DUSP29: variants seen among roughly 807,000 people sequenced by gnomAD.
DUSP29 encodes the protein atypical dual-specific protein phosphatase.
DUSP29 carries 12 observed loss-of-function variants against 13.5 expected under a neutral mutation model. That is an observed-to-expected ratio of 0.89 (90% confidence interval 0.57 to 1.44). DUSP29 has a LOEUF of 1.44. DUSP29 is among the 40% of genes most tolerant of loss of function. DUSP29 has a pLI of 0.00. For synonymous variants in DUSP29, 134 were observed against 128.7 expected, an observed-to-expected ratio of 1.04 and a Z score of -0.28; for missense variants, 308 against 301.1, an observed-to-expected ratio of 1.02 and a Z score of -0.17.
chr10:75,038,750 A>G (rs1246580127), intron 3 of DUSP29, among the ~76,000 whole-genome samples: 1 of 151,854 alleles, frequency 6.6e-6, no homozygotes, highest in African/African-American at 2.4e-5. Context: ...AGGGAGCAGG[A>G]GAGAAAGGGG....
At chr10:75,073,330 A>G (rs60169062) in intron 1 of DUSP29, among the ~76,000 whole-genome samples, 12,307 of 152,246 alleles carry the variant, frequency 0.081, 1,134 homozygotes, top group African/African-American at 0.23. Context: ...CCACCCCATT[A>G]TCCTTTAGAA....
At chr10:75,038,099 G>C (rs1048007141) in intron 3 of DUSP29, 22 bp from the exon 4 acceptor site, 3 of 1,603,736 alleles carry the variant, frequency 1.9e-6, no homozygotes, top group Non-Finnish European at 2.6e-6. Flanking sequence ...GCAGGGAGGA[G>C]AAAACCCACA....
chr10:75,043,960 G>T lies in DUSP29; in HGVS notation c.258C>A (p.Asn86Lys), dbSNP rs769826721. 6.2e-6 allele frequency: 10 copies of T among 1,613,370 alleles called. No homozygotes were observed. The highest frequency in any genetic ancestry group is 2.2e-5 in the East Asian group (1 of 44,876). Reference protein sequence around the residue: ...LQKAGFTHVLNAAHGRWNVDT... With the variant: ...LQKAGFTHVLKAAHGRWNVDT... ...CCACGTTCCAGCGGCCGTGGGCCGC[G>T]TTCAGCACGTGCGTGAACCCCGCCT... Residue 86 changes from asparagine to lysine, a missense_variant, in exon 3 of 4, where the codon AAC becomes AAA. Physicochemically the swap from Asn to Lys is moderately conservative, Grantham distance 94 (BLOSUM62 0). Transcript: ENST00000338487.
intron 1 of DUSP29, among the ~76,000 whole-genome samples, chr10:75,072,734 T>C (rs921325): frequency 0.53 from 80,346 of 151,812 alleles, 23,803 homozygotes; most frequent in East Asian, 0.95. Context: ...CTTCCTCCTG[T>C]TCGCTGGAGC....
At chr10:75,053,099 G>A (rs1012008336) in intron 2 of DUSP29, among the ~76,000 whole-genome samples, 9 of 152,238 alleles carry the variant, frequency 5.9e-5, no homozygotes, top group Non-Finnish European at 1.2e-4. Flanking sequence ...ACCATGGACT[G>A]CATTGTGAGT....
At chr10:75,041,018 T>A (rs1032971887) in intron 3 of DUSP29, among the ~76,000 whole-genome samples, 8 of 152,140 alleles carry the variant, frequency 5.3e-5, no homozygotes, top group Non-Finnish European at 1.2e-4. Flanking sequence ...AACCAGTCAA[T>A]GAGAACAAAG....
At chr10:75,051,526 A>G (rs888013454) in intron 2 of DUSP29, among the ~76,000 whole-genome samples, 5 of 152,186 alleles carry the variant, frequency 3.3e-5, no homozygotes, top group African/African-American at 1.2e-4. Flanking sequence ...AGTGAGCTTC[A>G]TCTTAGAGGT....
At chr10:75,073,322 A>G (rs898315593) in intron 1 of DUSP29, among the ~76,000 whole-genome samples, 3 of 152,076 alleles carry the variant, frequency 2.0e-5, no homozygotes, top group Admixed American at 1.3e-4. Flanking sequence ...GCTTTAATCC[A>G]CCCCATTATC....
chr10:75,069,471 C>T (rs1847274618), intron 1 of DUSP29, among the ~76,000 whole-genome samples: 1 of 152,200 alleles, frequency 6.6e-6, no homozygotes, highest in Non-Finnish European at 1.5e-5. Context: ...CAGAACAAGC[C>T]TTCCTTGTTC....
intron 2 of DUSP29, among the ~76,000 whole-genome samples, chr10:75,051,218 G>A (rs1846821660): frequency 6.6e-6 from 1 of 152,156 alleles, no homozygotes; most frequent in African/African-American, 2.4e-5. Flanking sequence ...CCTAGCATGG[G>A]GGACCCTGGG....
chr10:75,066,340 T>C (rs1034545403), intron 1 of DUSP29, among the ~76,000 whole-genome samples: 8 of 151,414 alleles, frequency 5.3e-5, no homozygotes, highest in Admixed American at 2.6e-4. Flanking sequence ...ACCCTAACCC[T>C]TCAACAGAAT....
chr10:75,064,093 C>G (rs1364337290), intron 1 of DUSP29, among the ~76,000 whole-genome samples: 7 of 152,030 alleles, frequency 4.6e-5, no homozygotes, highest in East Asian at 1.9e-4. Flanking sequence ...GTCACCCAGG[C>G]TGGAGTGCAG....
chr10:75,039,362 A>G (rs1846537448), intron 3 of DUSP29, among the ~76,000 whole-genome samples: 1 of 152,108 alleles, frequency 6.6e-6, no homozygotes, highest in Non-Finnish European at 1.5e-5. Context: ...CCATCTCTAC[A>G]CAAAAATTAG....
chr10:75,037,982 C>T lies in DUSP29; in HGVS notation c.517G>A (p.Ala173Thr), dbSNP rs750658270. 6.8e-6 allele frequency: 11 copies of T among 1,613,938 alleles called. No individual in the cohort carries two copies. Among genetic ancestry groups the T allele is most frequent in the South Asian group, 5.5e-5 (5 of 91,088 alleles). The change falls in exon 4 of 4, where the codon GCC (alanine) becomes ACC (threonine). Residue 173 changes from alanine (A) to threonine (T), a missense_variant. Ala to Thr is a moderately conservative substitution (Grantham distance 58). Transcript: ENST00000338487. The stretch of plus-strand genomic sequence containing the variant: ...CGGTTCTTGGCCACTTGCTGGATGG[C>T]GTCCACCAGGGTCATGTCCTTGTGG... ...MIHKDMTLVDAIQQVAKNRCV... is the reference protein window; with the variant it reads ...MIHKDMTLVDTIQQVAKNRCV...
chr10:75,070,091 A>T (rs1477522482), intron 1 of DUSP29, among the ~76,000 whole-genome samples: 63 of 64,710 alleles, frequency 9.7e-4, no homozygotes, highest in African/African-American at 4.5e-3. Flanking sequence ...GGAAGGAAGG[A>T]AGGAAGGAAG....
chr10:75,058,866 C>G (rs1186322545), intron 1 of DUSP29, among the ~76,000 whole-genome samples: 1 of 152,208 alleles, frequency 6.6e-6, no homozygotes, highest in Non-Finnish European at 1.5e-5. Context: ...AGACTTTACT[C>G]CTTTGGTTCC....
chr10:75,046,960 T>A (rs1442923778), intron 2 of DUSP29, among the ~76,000 whole-genome samples: 1 of 152,218 alleles, frequency 6.6e-6, no homozygotes, highest in Non-Finnish European at 1.5e-5. Flanking sequence ...GTAACTGGCT[T>A]TCAACATAAT....
At chr10:75,048,424 G>A (rs915334385) in intron 2 of DUSP29, among the ~76,000 whole-genome samples, 1 of 144,174 alleles carries the variant, frequency 6.9e-6, no homozygotes, top group African/African-American at 2.6e-5. Context: ...ACAGAGTCTC[G>A]CTCTGTCGCC....
In DUSP29 at chr10:75,037,771, G is replaced by T; in HGVS notation, c.*65C>A. ...CACCATCCCTTCTCTGGAGTCCTAG[G>T]CCAGGGCTATGTTCTGCCTCTCCCC... On this transcript the variant is annotated 3_prime_UTR_variant, in exon 4 of 4. Coordinates refer to ENST00000338487, the MANE Select transcript of DUSP29 (RefSeq NM_001003892.3). 1 of 1,539,414 alleles carries T rather than the reference G, an allele frequency of 6.5e-7. No homozygotes were observed. The highest frequency in any genetic ancestry group is 1.4e-5 in the African/African-American group (1 of 73,524).
Sources: allele counts gnomAD v4.1 joint callset (sites outside exome capture counted in the v4.1 genomes callset), GRCh38; gene constraint gnomAD v4.1.1; transcripts MANE v1.5; gene names NCBI Gene and HGNC (gene_info 2026-07-23, HGNC 2026-07-21).